Variants in FMNL2 observed in about 807,000 individuals in gnomAD.
The protein encoded by FMNL2 is formin like 2, also known as formin-like protein 2.
FMNL2 carries 51 observed loss-of-function variants against 130.2 expected under a neutral mutation model. The ratio of observed to expected loss-of-function variants is 0.39; its 90% confidence interval spans 0.31 to 0.49. The LOEUF (loss-of-function observed/expected upper bound fraction) is 0.49, where lower values mean the gene tolerates loss of function less well. Among genes scored for constraint, FMNL2 ranks in the 20% least tolerant of loss-of-function variants. The pLI is 0.85. For synonymous variants in FMNL2, 465 were observed against 467.1 expected (o/e 1.00, Z 0.06); for missense variants, 977 against 1,316.2 (o/e 0.74, Z 3.99).
In FMNL2 at chr2:152,455,812, C is replaced by T. The variant is rs568826875; in HGVS notation, c.118-66131C>T. Among the ~76,000 whole-genome samples the T allele has an allele frequency of 2.0e-5, 3 of 152,240 alleles. No individual in the cohort carries two copies. In the South Asian group the frequency reaches 6.2e-4, roughly 32 times the overall value. ...TCACTGCAACCTTGACCTCCTGGGC[C>T]CGAGTGATCCTCCCACCTCAGCCCC... On this transcript the variant is annotated intron_variant, in intron 1 of 25. Transcript: ENST00000288670.
At chr2:152,402,166 T>G (rs1012650576) in intron 1 of FMNL2, among the ~76,000 whole-genome samples, 1 of 152,144 alleles carries the variant, frequency 6.6e-6, no homozygotes, top group Non-Finnish European at 1.5e-5. Context: ...CCTCCCAAAG[T>G]GCTGAGATTA....
intron 1 of FMNL2, chr2:152,389,795 C>A: frequency 6.9e-7 from 1 of 1,445,350 alleles, no homozygotes; most frequent in Non-Finnish European, 9.7e-7. Flanking sequence ...CGACGCAAAA[C>A]AGACTTTTTC....
intron 1 of FMNL2, among the ~76,000 whole-genome samples, chr2:152,467,415 C>A (rs548959830): frequency 6.6e-6 from 1 of 152,150 alleles, no homozygotes; most frequent in Non-Finnish European, 1.5e-5. Flanking sequence ...TCTTGCTTGT[C>A]CCGTTTGTTA....
chr2:152,539,071 AT>A (rs1558947430), intron 2 of FMNL2: 1 of 152,102 alleles, frequency 6.6e-6, no homozygotes, highest in Non-Finnish European at 1.5e-5. Context: ...ATCCCATGTT[AT>A]TTTCAGGACC....
chr2:152,531,334 A>C (rs1238973825), intron 2 of FMNL2, among the ~76,000 whole-genome samples: 4 of 152,130 alleles, frequency 2.6e-5, no homozygotes, highest in Admixed American at 2.0e-4. Flanking sequence ...GTTTGGCTTA[A>C]TGATTGATTT....
chr2:152,639,780 G>A (rs1682924458), intron 23 of FMNL2, among the ~76,000 whole-genome samples, 178 bp from the exon 24 acceptor site: 1 of 152,150 alleles, frequency 6.6e-6, no homozygotes, highest in Non-Finnish European at 1.5e-5. Flanking sequence ...TTAAAGAGAT[G>A]TGACAGGTAG....
intron 1 of FMNL2, among the ~76,000 whole-genome samples, chr2:152,363,129 CTG>C (rs1470516602): frequency 6.6e-6 from 1 of 152,186 alleles, no homozygotes; most frequent in Non-Finnish European, 1.5e-5. Context: ...TTGCATAACT[CTG>C]TGAATATACT....
intron 3 of FMNL2, among the ~76,000 whole-genome samples, chr2:152,543,449 A>T (rs1251510589): frequency 6.6e-6 from 1 of 152,128 alleles, no homozygotes; most frequent in Non-Finnish European, 1.5e-5. Context: ...CAGTCCTGGG[A>T]TGTCTCAGGG....
At chr2:152,435,903 C>T (rs1015718951) in intron 1 of FMNL2, among the ~76,000 whole-genome samples, 1 of 152,152 alleles carries the variant, frequency 6.6e-6, no homozygotes, top group African/African-American at 2.4e-5. Context: ...TACGAGGTGG[C>T]CCCCACCACA....
rs1314717429 is a variant in FMNL2, at chr2:152,611,547, A to T, written c.1004A>T (p.Asn335Ile). The change falls in exon 11 of 26, where the codon AAT (asparagine) becomes ATT (isoleucine). Residue 335 changes from asparagine (N) to isoleucine (I), a missense_variant. This residue lies in a region of FMNL2 where 689 missense variants were observed against 995.9 expected (regional missense o/e 0.69). Coordinates refer to ENST00000288670, the MANE Select transcript of FMNL2 (RefSeq NM_052905.4). ...NIVVHSVEDMNFRVHLQYEFT... is the reference protein window; with the variant it reads ...NIVVHSVEDMIFRVHLQYEFT... The stretch of plus-strand genomic sequence containing the variant: ...GTAGTCCATTCAGTAGAAGATATGA[A>T]TTTCAGAGTTCACCTGCAGTATGAA... 1 of 1,603,620 alleles carries T rather than the reference A, an allele frequency of 6.2e-7. No individual in the cohort carries two copies. Among genetic ancestry groups the T allele is most frequent in the South Asian group, 1.1e-5 (1 of 89,094 alleles).
At chr2:152,369,478 C>T (rs1683750816) in intron 1 of FMNL2, among the ~76,000 whole-genome samples, 1 of 152,164 alleles carries the variant, frequency 6.6e-6, no homozygotes, top group African/African-American at 2.4e-5. Flanking sequence ...TGCTTGATGC[C>T]CTGCCTTTGG....
intron 1 of FMNL2, among the ~76,000 whole-genome samples, chr2:152,373,324 G>A (rs1683988530): frequency 6.6e-6 from 1 of 152,142 alleles, no homozygotes; most frequent in East Asian, 1.9e-4. Flanking sequence ...TAGTTACTGG[G>A]ATATTTTCTC....
At chr2:152,373,015 T>C (rs1683969325) in intron 1 of FMNL2, among the ~76,000 whole-genome samples, 2 of 152,210 alleles carry the variant, frequency 1.3e-5, no homozygotes, top group Non-Finnish European at 2.9e-5. Context: ...CCTGGACCCA[T>C]GTCAGAGATC....
At chr2:152,627,344 T>TA (rs906617266) in intron 17 of FMNL2, among the ~76,000 whole-genome samples, 6 of 152,252 alleles carry the variant, frequency 3.9e-5, no homozygotes, top group Non-Finnish European at 8.8e-5. Flanking sequence ...ACTCCTCTAT[T>TA]AGAAGAATCC....
At chr2:152,418,317 A>T (rs187255445) in intron 1 of FMNL2, among the ~76,000 whole-genome samples, 2 of 152,094 alleles carry the variant, frequency 1.3e-5, no homozygotes, top group Non-Finnish European at 2.9e-5. Flanking sequence ...AAAATTTACC[A>T]TCCTTGCCAT....
chr2:152,495,254 G>C (rs1691438491), intron 1 of FMNL2, among the ~76,000 whole-genome samples: 1 of 152,072 alleles, frequency 6.6e-6, no homozygotes, highest in African/African-American at 2.4e-5. Flanking sequence ...TGTTATTTCA[G>C]GTACTTTCTT....
intron 23 of FMNL2, among the ~76,000 whole-genome samples, chr2:152,638,890 G>A (rs528593223): frequency 5.3e-5 from 8 of 152,104 alleles, no homozygotes; most frequent in Admixed American, 2.0e-4. Context: ...TTTTAAAATC[G>A]GCTAAGACAG....
intron 9 of FMNL2, among the ~76,000 whole-genome samples, chr2:152,584,246 A>C (rs1291557501): frequency 6.6e-6 from 1 of 151,982 alleles, no homozygotes; most frequent in Non-Finnish European, 1.5e-5. Flanking sequence ...GCCTGTGCAG[A>C]TAGGGTTTTG....
chr2:152,571,682 A>C (rs536471221), intron 6 of FMNL2, among the ~76,000 whole-genome samples: 1 of 152,228 alleles, frequency 6.6e-6, no homozygotes, highest in African/African-American at 2.4e-5. Flanking sequence ...TAGGATGATC[A>C]GTGTTTGGAA....
Sources: allele counts gnomAD v4.1 joint callset (sites outside exome capture counted in the v4.1 genomes callset), GRCh38; gene constraint gnomAD v4.1.1; regional missense constraint gnomAD v4.1.1; transcripts MANE v1.5; gene names NCBI Gene and HGNC (gene_info 2026-07-23, HGNC 2026-07-21).